The following RPL39 variants were observed in gnomAD, a reference collection of about 807,000 sequenced individuals.
The protein encoded by RPL39 is large ribosomal subunit protein eL39.
For synonymous variants in RPL39, 8 were observed against 11.4 expected, an observed-to-expected ratio of 0.70 and a Z score of 0.60; for missense variants, 6 against 37.2, an observed-to-expected ratio of 0.16 and a Z score of 2.18.
intron 2 of RPL39, among the ~76,000 whole-genome samples, chrX:119,789,556 CAAAACAAAAACA>C (rs781553054): frequency 0.014 from 1,194 of 84,545 alleles, 9 homozygotes; most frequent in Middle Eastern, 0.07. Flanking sequence ...GACTCCGTCT[CAAAACAAAAACA>C]AAAACAAAAA....
intron 2 of RPL39, among the ~76,000 whole-genome samples, chrX:119,788,305 G>A (rs1052332652): frequency 1.2e-4 from 13 of 111,545 alleles, no homozygotes; most frequent in Admixed American, 4.8e-4. Flanking sequence ...AGGCAGAGGC[G>A]CGTGAATCAC....
At chrX:119,788,197 G>A (rs769907130) in intron 2 of RPL39, among the ~76,000 whole-genome samples, 1 of 111,828 alleles carries the variant, frequency 8.9e-6, no homozygotes, top group South Asian at 3.7e-4. Flanking sequence ...ACCCCTTTAA[G>A]TCTTCTTAGC....
At chrX:119,788,403 G>C (rs1249641597) in intron 2 of RPL39, among the ~76,000 whole-genome samples, 2 of 110,307 alleles carry the variant, frequency 1.8e-5, no homozygotes, top group African/African-American at 3.3e-5. Context: ...GTGGTGGCAG[G>C]CACCTGTAAT....
intron 2 of RPL39, among the ~76,000 whole-genome samples, chrX:119,786,977 C>T (rs1004534887): frequency 1.2e-4 from 13 of 112,220 alleles, no homozygotes; most frequent in East Asian, 2.8e-4. Context: ...AGAGTAGTGG[C>T]GAAGCCCACT....
intron 2 of RPL39, among the ~76,000 whole-genome samples, chrX:119,789,500 T>C (rs1382936339): frequency 3.6e-5 from 4 of 112,248 alleles, no homozygotes; most frequent in Non-Finnish European, 7.5e-5. Flanking sequence ...GAGGTTGCAG[T>C]GAGCCGAGAT....
In RPL39 at chrX:119,787,000, A is replaced by T. The variant is rs1014711975; in HGVS notation, c.108-268T>A. Among the ~76,000 whole-genome samples, 6 of 112,390 alleles carry T rather than the reference A, an allele frequency of 5.3e-5. No individual in the cohort carries two copies. The East Asian group carries it at 1.4e-3, about 26-fold the overall frequency. ...GGCGAAGCCCACTCTCTCCAAGTGT[A>T]CTTGTACCCACTTTTGATTCAATGG... On this transcript the variant is annotated intron_variant, in intron 2 of 2. Coordinates refer to ENST00000361575, the MANE Select transcript of RPL39 (RefSeq NM_001000.4).
intron 2 of RPL39, among the ~76,000 whole-genome samples, chrX:119,788,288 T>C (rs147590758): frequency 4.8e-4 from 54 of 111,407 alleles, no homozygotes; most frequent in African/African-American, 1.6e-3. Context: ...AATCCCAGCA[T>C]GTTGGGAGGC....
chrX:119,790,065 CAA>C, intron 1 of RPL39, 54 bp from the exon 2 acceptor site: 1 of 742,438 alleles, frequency 1.3e-6, no homozygotes, highest in Non-Finnish European at 2.1e-6. Flanking sequence ...CCGAATGATT[CAA>C]AGTCAAGAAC....
intron 2 of RPL39, chrX:119,787,142 C>T: frequency 4.0e-6 from 1 of 247,545 alleles, no homozygotes; most frequent in Non-Finnish European, 7.5e-6. Context: ...CACCACCCAG[C>T]TAATTTTTGT....
At chrX:119,787,752 A>G (rs2055675757) in intron 2 of RPL39, among the ~76,000 whole-genome samples, 1 of 111,015 alleles carries the variant, frequency 9.0e-6, no homozygotes, top group South Asian at 3.8e-4. Flanking sequence ...CCTGGGCTCA[A>G]GTGATCCTCC....
At chrX:119,787,091 G>A (rs2055670294) in intron 2 of RPL39, among the ~76,000 whole-genome samples, 1 of 86,780 alleles carries the variant, frequency 1.2e-5, no homozygotes, top group African/African-American at 3.8e-5. Context: ...AAAAGCTCCC[G>A]CATGATATTT....
chrX:119,786,809 G>A lies in RPL39; in HGVS notation c.108-77C>T, dbSNP rs372111564. On this transcript the variant is annotated intron_variant, in intron 2 of 2. Transcript: ENST00000361575. ...TGTTCCCATTCACATAACCTTTTAGGTACCACAAAATACAAAGGGTACTGC... is the reference window on the plus strand; with the variant it reads ...TGTTCCCATTCACATAACCTTTTAGATACCACAAAATACAAAGGGTACTGC... 21 of 792,687 alleles carry A rather than the reference G, an allele frequency of 2.6e-5. No individual in the cohort carries two copies. The African/African-American group carries it at 4.3e-4, about 16-fold the overall frequency. 65.3% of individuals were successfully genotyped at this position (792,687 alleles called of 1,213,427 possible). A position where few individuals can be genotyped will look rare whatever the true frequency, so the allele number is the denominator to read the frequency against.
rs141740456 is a variant in RPL39 at position 119,788,293 on chromosome X, G to C, written c.108-1561C>G. Among the ~76,000 whole-genome samples, 1,067 of 111,753 alleles carry C rather than the reference G, an allele frequency of 9.5e-3. 7 individuals are homozygous for C. The highest frequency in any genetic ancestry group is 0.051 in the Middle Eastern group (11 of 217). On this transcript the variant is annotated intron_variant, in intron 2 of 2. Transcript: ENST00000361575. Reference sequence around the variant, plus strand: ...TCATGCCTGTAATCCCAGCATGTTGGGAGGCAGAGGCGCGTGAATCACGAG... The same window carrying C: ...TCATGCCTGTAATCCCAGCATGTTGCGAGGCAGAGGCGCGTGAATCACGAG...
chrX:119,787,173 G>A (rs147103666), intron 2 of RPL39: 2,685 of 255,772 alleles, frequency 0.01, 122 homozygotes, highest in Admixed American at 0.088. Context: ...TTTTAGTAGA[G>A]GCAGGGTTTC....
chrX:119,787,977 C>G (rs2147733007), intron 2 of RPL39, among the ~76,000 whole-genome samples: 1 of 111,433 alleles, frequency 9.0e-6, no homozygotes, highest in South Asian at 3.8e-4. Context: ...ACTTCTTTCA[C>G]TCTTCACAAG....
intron 2 of RPL39, among the ~76,000 whole-genome samples, chrX:119,788,032 T>C (rs1026850510): frequency 9.0e-6 from 1 of 111,653 alleles, no homozygotes; most frequent in East Asian, 2.8e-4. Context: ...CACGTTCAAG[T>C]AGATGTATCA....
intron 1 of RPL39, 46 bp from the exon 2 acceptor site, chrX:119,790,057 G>C: frequency 1.3e-6 from 1 of 783,868 alleles, no homozygotes; most frequent in Non-Finnish European, 1.9e-6. Context: ...GAGCCTGCCC[G>C]AATGATTCAA....
At chrX:119,788,776 CAGGACCAA>C (rs1263046629) in intron 2 of RPL39, among the ~76,000 whole-genome samples, 3 of 111,173 alleles carry the variant, frequency 2.7e-5, no homozygotes, top group Non-Finnish European at 5.7e-5. Flanking sequence ...CAAGGCCCAT[CAGGACCAA>C]AGAGCGATGG....
At chrX:119,790,160 C>T (rs1242667955) in intron 1 of RPL39, 149 bp from the exon 2 acceptor site, 1 of 399,473 alleles carries the variant, frequency 2.5e-6, no homozygotes, top group East Asian at 3.9e-5. Flanking sequence ...CCAAGCAAGT[C>T]TCTGACCCTC....
Sources: allele counts gnomAD v4.1 joint callset (sites outside exome capture counted in the v4.1 genomes callset), GRCh38; gene constraint gnomAD v4.1.1; transcripts MANE v1.5; gene names NCBI Gene and HGNC (gene_info 2026-07-23, HGNC 2026-07-21).